Variants in ROR1 observed in about 807,000 individuals in gnomAD.
The protein encoded by ROR1 is inactive tyrosine-protein kinase transmembrane receptor ROR1.
A neutral mutation model predicts 78.8 loss-of-function variants in ROR1; 19 were observed. The observed-to-expected ratio is 0.24, with a 90% CI of 0.17 to 0.35. The LOEUF is 0.35. ROR1 is among the 10% of genes least tolerant of loss of function. The pLI, the probability that ROR1 is intolerant of heterozygous loss-of-function variation, is 1.00. For synonymous variants in ROR1, 386 were observed against 433.6 expected, an observed-to-expected ratio of 0.89 and a Z score of 1.36; for missense variants, 917 against 1,177.8, an observed-to-expected ratio of 0.78 and a Z score of 3.24.
At chr1:63,843,292 C>A in intron 1 of ROR1, 1 of 1,375,460 alleles carries the variant, frequency 7.3e-7, no homozygotes, top group South Asian at 1.2e-5. Flanking sequence ...GTGTGTAATT[C>A]ATGCTTGATC....
At chr1:63,855,444 G>T (rs1569822803) in intron 1 of ROR1, among the ~76,000 whole-genome samples, 2 of 152,024 alleles carry the variant, frequency 1.3e-5, no homozygotes, top group African/African-American at 4.8e-5. Flanking sequence ...TGTATATTAG[G>T]CCAGTTGAAG....
intron 1 of ROR1, among the ~76,000 whole-genome samples, chr1:63,795,094 T>A (rs80098363): frequency 2.7e-3 from 407 of 152,112 alleles, no homozygotes; most frequent in Non-Finnish European, 4.3e-3. Flanking sequence ...GCGGACTTTG[T>A]GGTTGGGAGG....
At chr1:64,152,064 A>G (rs1461589853) in intron 7 of ROR1, among the ~76,000 whole-genome samples, 1 of 152,226 alleles carries the variant, frequency 6.6e-6, no homozygotes, top group Admixed American at 6.5e-5. Context: ...CAACTGCTCA[A>G]AAGTTCTGCC....
intron 4 of ROR1, among the ~76,000 whole-genome samples, chr1:64,126,750 T>C (rs1291629002): frequency 6.6e-6 from 1 of 152,164 alleles, no homozygotes; most frequent in African/African-American, 2.4e-5. Flanking sequence ...ATGCTTCAGT[T>C]AGGGAATGCC....
At chr1:64,118,366 C>A in intron 4 of ROR1, among the ~76,000 whole-genome samples, 2 of 151,968 alleles carry the variant, frequency 1.3e-5, no homozygotes, top group Middle Eastern at 6.8e-3. Flanking sequence ...CTGTGGCTCA[C>A]GCCTGTAATC....
intron 2 of ROR1, among the ~76,000 whole-genome samples, chr1:64,009,661 C>G (rs1245205896): frequency 6.6e-6 from 1 of 152,054 alleles, no homozygotes; most frequent in African/African-American, 2.4e-5. Context: ...TCTGACCTTT[C>G]TGACACTACA....
chr1:63,886,908 A>G (rs1229941790), intron 1 of ROR1, among the ~76,000 whole-genome samples: 3 of 152,178 alleles, frequency 2.0e-5, no homozygotes, highest in Non-Finnish European at 4.4e-5. Flanking sequence ...GCAACTTTTG[A>G]ATTATTGCAG....
rs147845205 is a variant in ROR1 at position 64,049,443 on chromosome 1, C to T, written c.164-248C>T. 3.0e-3 allele frequency among the ~76,000 whole-genome samples: 459 copies of T among 152,172 alleles called. 7 individuals carry two copies. The highest frequency in any genetic ancestry group is 6.8e-3 in the Admixed American group (104 of 15,284). ...AAGCACAAAAGCTTATCCATGTAGTCTTTTGGAGACTTTGGGTTCTATACT... is the reference window on the plus strand; with the variant it reads ...AAGCACAAAAGCTTATCCATGTAGTTTTTTGGAGACTTTGGGTTCTATACT... On this transcript the variant is annotated intron_variant, in intron 2 of 8. Coordinates refer to ENST00000371079, the MANE Select transcript of ROR1 (RefSeq NM_005012.4).
At chr1:63,887,394 C>T (rs1645364583) in intron 1 of ROR1, among the ~76,000 whole-genome samples, 1 of 152,056 alleles carries the variant, frequency 6.6e-6, no homozygotes, top group African/African-American at 2.4e-5. Flanking sequence ...TTACTTTATT[C>T]TTGCTGTTGA....
At chr1:63,887,864 G>A (rs1645367800) in intron 1 of ROR1, among the ~76,000 whole-genome samples, 1 of 152,050 alleles carries the variant, frequency 6.6e-6, no homozygotes, top group Admixed American at 6.5e-5. Flanking sequence ...TACTGTTATT[G>A]ACCACTTCAC....
At chr1:64,097,393 G>A (rs966407318) in intron 4 of ROR1, among the ~76,000 whole-genome samples, 1 of 152,052 alleles carries the variant, frequency 6.6e-6, no homozygotes, top group African/African-American at 2.4e-5. Context: ...TCCTTATTTT[G>A]AGGTCAGCTG....
At chr1:63,867,683 C>T (rs182814420) in intron 1 of ROR1, among the ~76,000 whole-genome samples, 44 of 152,276 alleles carry the variant, frequency 2.9e-4, no homozygotes, top group African/African-American at 1.0e-3. Flanking sequence ...ATGCTGACCT[C>T]GCCGACGAAA....
chr1:64,134,271 TAGC>T (rs1649026491), intron 4 of ROR1, among the ~76,000 whole-genome samples: 1 of 152,190 alleles, frequency 6.6e-6, no homozygotes, highest in East Asian at 1.9e-4. Flanking sequence ...ATATAAAACT[TAGC>T]AGTATCTGAT....
At chr1:64,093,473 AC>A (rs1480180074) in intron 4 of ROR1, among the ~76,000 whole-genome samples, 1 of 152,170 alleles carries the variant, frequency 6.6e-6, no homozygotes, top group Non-Finnish European at 1.5e-5. Flanking sequence ...CAAATCTGAC[AC>A]AAAACCTCAA....
intron 1 of ROR1, among the ~76,000 whole-genome samples, chr1:63,884,319 T>G (rs1285667939): frequency 6.6e-6 from 1 of 152,220 alleles, no homozygotes; most frequent in African/African-American, 2.4e-5. Context: ...GTCAGACTGT[T>G]GGTGCCTGCA....
At chr1:63,899,702 A>T (rs1253968518) in intron 1 of ROR1, among the ~76,000 whole-genome samples, 6 of 151,996 alleles carry the variant, frequency 3.9e-5, no homozygotes, top group Non-Finnish European at 7.4e-5. Flanking sequence ...AAGTGAATTC[A>T]ACACCAAAGG....
intron 1 of ROR1, among the ~76,000 whole-genome samples, chr1:63,910,360 A>T (rs1010319542): frequency 9.2e-5 from 14 of 152,172 alleles, no homozygotes; most frequent in African/African-American, 3.4e-4. Context: ...GGCAGAGCTC[A>T]TGGGTTGCAT....
At chr1:64,111,751 T>C (rs990530471) in intron 4 of ROR1, among the ~76,000 whole-genome samples, 2 of 152,210 alleles carry the variant, frequency 1.3e-5, no homozygotes, top group African/African-American at 4.8e-5. Context: ...GAATTAAATG[T>C]TTTGAACCCA....
At chr1:64,002,494 A>G (rs1016650238) in intron 1 of ROR1, among the ~76,000 whole-genome samples, 1 of 152,218 alleles carries the variant, frequency 6.6e-6, no homozygotes, top group Non-Finnish European at 1.5e-5. Context: ...TAATGAATGA[A>G]TAAGTCAATC....
Sources: allele counts gnomAD v4.1 joint callset (sites outside exome capture counted in the v4.1 genomes callset), GRCh38; gene constraint gnomAD v4.1.1; transcripts MANE v1.5; gene names NCBI Gene and HGNC (gene_info 2026-07-23, HGNC 2026-07-21).